MMP24: variants seen among roughly 807,000 people sequenced by gnomAD.
MMP24 encodes matrix metallopeptidase 24.
Under a neutral mutation model 62.8 loss-of-function variants are expected in MMP24, and 25 were observed. The ratio of observed to expected loss-of-function variants is 0.40; its 90% confidence interval spans 0.29 to 0.56. The LOEUF (loss-of-function observed/expected upper bound fraction) is 0.56. MMP24 is among the 20% of genes least tolerant of loss of function. The pLI, the probability that MMP24 is intolerant of heterozygous loss-of-function variation, is 0.50. For synonymous variants in MMP24, 319 were observed against 350.5 expected (o/e 0.91, Z 1.00); for missense variants, 634 against 853.6 (o/e 0.74, Z 3.21).
At chr20:35,261,247 G>A (rs2060601146) in intron 4 of MMP24, among the ~76,000 whole-genome samples, 1 of 152,218 alleles carries the variant, frequency 6.6e-6, no homozygotes, top group African/African-American at 2.4e-5. Context: ...GGCTTTCAGA[G>A]GATCTGGTTG....
At chr20:35,241,477 G>C (rs2060488101) in intron 1 of MMP24, among the ~76,000 whole-genome samples, 1 of 152,136 alleles carries the variant, frequency 6.6e-6, no homozygotes, top group Non-Finnish European at 1.5e-5. Context: ...AGAGCCTAGA[G>C]AATATTAGAG....
intron 2 of MMP24, among the ~76,000 whole-genome samples, chr20:35,248,216 T>G (rs2060525406): frequency 1.3e-5 from 2 of 151,892 alleles, no homozygotes; most frequent in South Asian, 4.2e-4. Flanking sequence ...CGTAAGTCAC[T>G]CCTGGACAGA....
rs374988435 is a variant in MMP24 at position 35,274,620 on chromosome 20, G to A, written c.*11G>A. The A allele has an allele frequency of 1.3e-6, 2 of 1,585,490 alleles. No individual in the cohort carries two copies. Among genetic ancestry groups the A allele is most frequent in the Admixed American group, 1.8e-5 (1 of 56,674 alleles). ...CAGGAATGGGTGTGAGCAGCCCAGA[G>A]CCCTCTCTATCCACTTGGTCTGGCC... On this transcript the variant is annotated 3_prime_UTR_variant, in exon 9 of 9. Transcript: ENST00000246186. This position sits in a 1 kb window ranked among gnomAD's most constrained non-coding sequence, Gnocchi z 5.1.
intron 1 of MMP24, among the ~76,000 whole-genome samples, chr20:35,232,595 T>C (rs528573367): frequency 5.9e-5 from 9 of 152,028 alleles, no homozygotes; most frequent in African/African-American, 1.9e-4. Context: ...AGATGAACCT[T>C]TGAGGGAGGA....
intron 1 of MMP24, among the ~76,000 whole-genome samples, chr20:35,232,766 G>C (rs1002472957): frequency 6.6e-6 from 1 of 152,200 alleles, no homozygotes; most frequent in Non-Finnish European, 1.5e-5. Flanking sequence ...AAGGAGAAGA[G>C]GCTGGAGAGG....
At chr20:35,227,830 A>C (rs2060421424) in intron 1 of MMP24, among the ~76,000 whole-genome samples, 2 of 152,276 alleles carry the variant, frequency 1.3e-5, no homozygotes, top group Admixed American at 1.3e-4. Context: ...GGGGATACAG[A>C]CTCAAAGAGC....
At position 35,275,725 on chromosome 20, in the gene MMP24, C is replaced by A; in HGVS notation, c.*1116C>A. The A allele has an allele frequency of 3.4e-6, 1 of 296,212 alleles. No individual in the cohort carries two copies. Among genetic ancestry groups the A allele is most frequent in the Non-Finnish European group, 6.2e-6 (1 of 161,472 alleles). The allele number at this position is 296,212 out of a possible 1,614,324, so 18.3% of individuals were successfully genotyped here. On this transcript the variant is annotated 3_prime_UTR_variant, in exon 9 of 9. Transcript: ENST00000246186. ...GCCCCCACTACTCTGAGGCCGACTC[C>A]AGCTACTCTGAGGCCGACTCAATCT...
rs34474017 is a variant in MMP24 at position 35,253,270 on chromosome 20, CTTTTTT to C, written c.513-1162_513-1157del. 2.8e-3 allele frequency among the ~76,000 whole-genome samples: 221 copies of C among 79,052 alleles called. 4 individuals carry two copies. The highest frequency in any genetic ancestry group is 0.012 in the African/African-American group (211 of 17,182). The allele number at this position is 79,052 out of a possible 152,430, so 51.9% of individuals were successfully genotyped here. A position where few individuals can be genotyped will look rare whatever the true frequency, so the allele number is the denominator to read the frequency against. ...GACAAGCACTCCCTACAGAACGGGA[CTTTTTT>C]TTTTTTTTTTTTTTTTTCAGAAATC... On this transcript the variant is annotated intron_variant, in intron 3 of 8. Coordinates refer to ENST00000246186, the MANE Select transcript of MMP24 (RefSeq NM_006690.4).
intron 5 of MMP24, among the ~76,000 whole-genome samples, chr20:35,265,487 T>C (rs1438539419): frequency 6.6e-6 from 1 of 152,146 alleles, no homozygotes; most frequent in African/African-American, 2.4e-5. Context: ...GGGATCTTTG[T>C]TGTTCAATAC....
chr20:35,259,719 A>G (rs2060592834), intron 4 of MMP24, among the ~76,000 whole-genome samples: 1 of 152,162 alleles, frequency 6.6e-6, no homozygotes, highest in South Asian at 2.1e-4. Flanking sequence ...TAAAAGAAAG[A>G]AATGAGGCAG....
Position 35,274,429 on chromosome 20 carries a change from C to T in MMP24, c.1758C>T (p.Asp586=), listed in dbSNP as rs370527619. ...AGGAGCGGCGGCTGCCCCAGGACGA[C>T]GTGGACATCATGGTGACCATCAACG... ...RRKERRLPQD[D]VDIMVTINDV... is the part of the protein sequence containing the mutation. Residue 586 remains aspartate, a synonymous_variant, in exon 9 of 9, where the codon GAC becomes GAT. Coordinates refer to ENST00000246186, the MANE Select transcript of MMP24 (RefSeq NM_006690.4). This position sits in a 1 kb window ranked among gnomAD's most constrained non-coding sequence, Gnocchi z 5.1. 15 of 1,613,826 alleles carry T rather than the reference C, an allele frequency of 9.3e-6. No homozygotes were observed. Among genetic ancestry groups the T allele is most frequent in the African/African-American group, 4.0e-5 (3 of 74,918 alleles).
At chr20:35,248,853 A>G (rs1478129925) in intron 2 of MMP24, among the ~76,000 whole-genome samples, 1 of 152,158 alleles carries the variant, frequency 6.6e-6, no homozygotes, top group East Asian at 1.9e-4. Context: ...CACAGGCCTC[A>G]TGGCAGTGCA....
At chr20:35,233,653 G>C (rs912140294) in intron 1 of MMP24, among the ~76,000 whole-genome samples, 1 of 152,138 alleles carries the variant, frequency 6.6e-6, no homozygotes, top group Non-Finnish European at 1.5e-5. Flanking sequence ...TATTATTACT[G>C]TACTACTATC....
At chr20:35,272,813 TTC>T (rs2060678866) in intron 8 of MMP24, among the ~76,000 whole-genome samples, 3 of 152,368 alleles carry the variant, frequency 2.0e-5, no homozygotes, top group East Asian at 3.9e-4. Context: ...TTAATAAGTT[TTC>T]TGTTTTCTCA....
At position 35,269,885 on chromosome 20, in the gene MMP24, T is replaced by C; in HGVS notation, c.1320T>C (p.Phe440=). The C allele has an allele frequency of 6.4e-7, 1 of 1,551,950 alleles. No individual in the cohort carries two copies. Among genetic ancestry groups the C allele is most frequent in the South Asian group, 1.2e-5 (1 of 84,070 alleles). Residue 440 remains phenylalanine, a synonymous_variant, in exon 7 of 9, where the codon TTT becomes TTC. Transcript: ENST00000246186. The surrounding 1 kb of genome is among the most constrained non-coding windows in gnomAD (Gnocchi z 4.6). ...DAAYERADGR[F]VFFKGDKYWV... ...CCTATGAAAGGGCCGATGGGAGATT[T>C]GTCTTCTTCAAAGGTAATGTAGACT...
chr20:35,252,579 G>A (rs1461269841), intron 3 of MMP24, among the ~76,000 whole-genome samples: 2 of 152,214 alleles, frequency 1.3e-5, no homozygotes, highest in Non-Finnish European at 2.9e-5. Flanking sequence ...TCCCAACGCA[G>A]AGTTCCAGTT....
intron 2 of MMP24, among the ~76,000 whole-genome samples, chr20:35,247,938 CAGCT>C (rs1317226238): frequency 1.3e-5 from 2 of 152,148 alleles, no homozygotes; most frequent in Admixed American, 6.5e-5. Flanking sequence ...AAATGGGTAG[CAGCT>C]AGAGGATGAA....
At chr20:35,273,122 C>T (rs1048219370) in intron 8 of MMP24, among the ~76,000 whole-genome samples, 3 of 151,940 alleles carry the variant, frequency 2.0e-5, no homozygotes, top group Admixed American at 1.3e-4. Flanking sequence ...TGGCAACAGA[C>T]GCTATAAGGG....
intron 1 of MMP24, among the ~76,000 whole-genome samples, chr20:35,237,090 C>T (rs1321853566): frequency 1.3e-5 from 2 of 151,904 alleles, no homozygotes; most frequent in East Asian, 3.9e-4. Context: ...CAGGAATAGA[C>T]AATAACATTG....
Sources: allele counts gnomAD v4.1 joint callset (sites outside exome capture counted in the v4.1 genomes callset), GRCh38; gene constraint gnomAD v4.1.1; non-coding constraint Gnocchi (gnomAD v3.1); transcripts MANE v1.5; gene names NCBI Gene and HGNC (gene_info 2026-07-23, HGNC 2026-07-21).